CALN1: variants seen among roughly 807,000 people sequenced by gnomAD.
CALN1 encodes the protein calcium-binding protein 8.
In CALN1, 17 loss-of-function variants were observed where a neutral mutation model predicts 30.6. That is an observed-to-expected ratio of 0.56 (90% CI 0.38 to 0.83). The LOEUF (loss-of-function observed/expected upper bound fraction) is 0.83. CALN1 is among the 40% of genes least tolerant of loss of function. The pLI is 0.00. For missense variants in CALN1, 291 were observed against 354.9 expected (o/e 0.82, Z 1.45); for synonymous variants, 156 against 131.4 (o/e 1.19, Z -1.28).
chr7:72,150,453 A>G (rs1197819162), intron 3 of CALN1, among the ~76,000 whole-genome samples: 1 of 152,202 alleles, frequency 6.6e-6, no homozygotes, highest in Non-Finnish European at 1.5e-5. Context: ...TGCTATTAAA[A>G]AAAACACTGA....
At chr7:72,197,994 G>C (rs1405478070) in intron 3 of CALN1, among the ~76,000 whole-genome samples, 1 of 151,384 alleles carries the variant, frequency 6.6e-6, no homozygotes, top group Non-Finnish European at 1.5e-5. Flanking sequence ...TAAAACTGCA[G>C]AACTCCTGAA....
intron 4 of CALN1, among the ~76,000 whole-genome samples, chr7:72,040,322 A>G (rs1248023696): frequency 7.4e-6 from 1 of 135,672 alleles, no homozygotes; most frequent in Non-Finnish European, 1.6e-5. Context: ...AAAAATTACA[A>G]TAAAAAAAAA....
chr7:72,297,883 A>G (rs946482617), intron 2 of CALN1, among the ~76,000 whole-genome samples: 3 of 152,190 alleles, frequency 2.0e-5, no homozygotes, highest in African/African-American at 7.2e-5. Flanking sequence ...GCATTTTCAT[A>G]TTTTTAACAA....
chr7:72,181,581 G>A (rs1455029041), intron 3 of CALN1, among the ~76,000 whole-genome samples: 1 of 151,562 alleles, frequency 6.6e-6, no homozygotes, highest in Non-Finnish European at 1.5e-5. Context: ...AGGTTCAAGC[G>A]ATTCTCCTCC....
chr7:72,198,015 T>C (rs1270963676), intron 3 of CALN1, among the ~76,000 whole-genome samples: 1 of 152,170 alleles, frequency 6.6e-6, no homozygotes, highest in African/African-American at 2.4e-5. Flanking sequence ...AAAAAAAGGT[T>C]CATTCCCTCT....
chr7:71,901,365 A>G (rs1302621516), intron 5 of CALN1, among the ~76,000 whole-genome samples: 1 of 151,930 alleles, frequency 6.6e-6, no homozygotes, highest in Non-Finnish European at 1.5e-5. Flanking sequence ...AATCCCTATC[A>G]AAGTACTAAT....
At chr7:71,868,017 C>T (rs1352196936) in intron 5 of CALN1, among the ~76,000 whole-genome samples, 4 of 152,096 alleles carry the variant, frequency 2.6e-5, no homozygotes, top group Non-Finnish European at 4.4e-5. Context: ...GGTCTTTTCA[C>T]GTATAAAAGT....
At chr7:72,371,613 A>C (rs1027805335) in intron 2 of CALN1, among the ~76,000 whole-genome samples, 6 of 152,192 alleles carry the variant, frequency 3.9e-5, no homozygotes, top group African/African-American at 7.2e-5. Flanking sequence ...TTTACTTTAT[A>C]AATTACCCAG....
At chr7:72,305,062 C>T (rs1296073149) in intron 2 of CALN1, among the ~76,000 whole-genome samples, 1 of 152,206 alleles carries the variant, frequency 6.6e-6, no homozygotes, top group Non-Finnish European at 1.5e-5. Context: ...CTGCTGTCTG[C>T]AGCCCAGGCC....
At chr7:72,288,384 G>C (rs902709854) in intron 2 of CALN1, among the ~76,000 whole-genome samples, 14 of 152,116 alleles carry the variant, frequency 9.2e-5, no homozygotes, top group Non-Finnish European at 2.1e-4. Flanking sequence ...AAGACATGGG[G>C]GTAGGGGCTC....
chr7:72,214,196 T>C (rs1361783775), intron 3 of CALN1, among the ~76,000 whole-genome samples: 3 of 152,212 alleles, frequency 2.0e-5, no homozygotes, highest in South Asian at 2.1e-4. Context: ...ATTTGTATAT[T>C]AGGCTGGGTG....
intron 2 of CALN1, among the ~76,000 whole-genome samples, chr7:72,311,806 T>C (rs1056232744): frequency 1.3e-5 from 2 of 151,802 alleles, no homozygotes; most frequent in African/African-American, 4.8e-5. Context: ...GGCCATCACC[T>C]GTATTTCAAG....
upstream of CALN1, among the ~76,000 whole-genome samples, chr7:72,413,724 A>T (rs1807327548): frequency 6.6e-6 from 1 of 151,956 alleles, no homozygotes; most frequent in African/African-American, 2.4e-5. Context: ...ACTTACACTT[A>T]TACACACACG....
chr7:71,840,510 A>G lies in CALN1; in HGVS notation c.502-30018T>C, dbSNP rs200956436. Among the ~76,000 whole-genome samples, 285 of 149,004 alleles carry G rather than the reference A, an allele frequency of 1.9e-3. 5 individuals carry two copies. Among genetic ancestry groups the G allele is most frequent in the East Asian group, 5.3e-3 (27 of 5,118 alleles). Reference sequence around the variant, plus strand: ...TAAAAAAAAAAAAAAAAAAAAAAAAAAGAGAAAAAGAAAAAGAAACAAACC... The same window carrying G: ...TAAAAAAAAAAAAAAAAAAAAAAAAGAGAGAAAAAGAAAAAGAAACAAACC... On this transcript the variant is annotated intron_variant, in intron 5 of 6. Transcript: ENST00000395275.
At chr7:72,488,852 CT>C in the CALN1 span, among the ~76,000 whole-genome samples, 1 of 151,974 alleles carries the variant, frequency 6.6e-6, no homozygotes, top group Non-Finnish European at 1.5e-5. Context: ...CCCAGGTAAT[CT>C]TTTTATTTTT....
chr7:72,278,285 C>T (rs1302436611), intron 3 of CALN1, among the ~76,000 whole-genome samples: 2 of 152,158 alleles, frequency 1.3e-5, no homozygotes, highest in Non-Finnish European at 2.9e-5. Flanking sequence ...CAGCCATTAA[C>T]AGGGCTTAAA....
chr7:71,930,307 C>T (rs1440157963), intron 5 of CALN1, among the ~76,000 whole-genome samples: 1 of 152,184 alleles, frequency 6.6e-6, no homozygotes, highest in Non-Finnish European at 1.5e-5. Flanking sequence ...CTTTGATTTG[C>T]GTTTCCTTAA....
At chr7:72,321,666 T>C (rs1294686858) in intron 2 of CALN1, among the ~76,000 whole-genome samples, 4 of 152,198 alleles carry the variant, frequency 2.6e-5, no homozygotes, top group Admixed American at 2.6e-4. Context: ...GTGAGGTGCC[T>C]GGAGGGAGGG....
intron 5 of CALN1, among the ~76,000 whole-genome samples, chr7:72,000,984 C>T (rs1799499818): frequency 6.6e-6 from 1 of 152,198 alleles, no homozygotes; most frequent in Admixed American, 6.5e-5. Flanking sequence ...TAGCTAGCAC[C>T]AGGGAAAGGC....
Sources: gnomAD v4.1 joint callset for allele counts (sites outside exome capture counted in the v4.1 genomes callset) on GRCh38, gnomAD v4.1.1 for gene constraint, MANE v1.5 for transcripts, NCBI Gene and HGNC (gene_info 2026-07-23, HGNC 2026-07-21) for gene names.